Variants in AMBRA1 observed in about 807,000 individuals in gnomAD.
AMBRA1 encodes the protein autophagy and beclin 1 regulator 1.
In AMBRA1, 47 loss-of-function variants were observed where a neutral mutation model predicts 125.4. That is an observed-to-expected ratio of 0.37 (90% CI 0.30 to 0.48). AMBRA1 has a LOEUF of 0.48. Among genes scored for constraint, AMBRA1 ranks in the 20% least tolerant of loss-of-function variants. The pLI is 0.99. For missense variants in AMBRA1, 1,331 were observed against 1,693.4 expected (o/e 0.79, Z 3.76); for synonymous variants, 626 against 655.5 (o/e 0.95, Z 0.69).
At chr11:46,415,896 C>T (rs1442304904) in intron 15 of AMBRA1, among the ~76,000 whole-genome samples, 2 of 152,154 alleles carry the variant, frequency 1.3e-5, no homozygotes, top group Non-Finnish European at 2.9e-5. Context: ...AAAACAGAAG[C>T]CAAAGTCAGT....
intron 8 of AMBRA1, 30 bp downstream of exon 8, chr11:46,512,697 A>G: frequency 6.2e-7 from 1 of 1,602,948 alleles, no homozygotes. Context: ...CCCTCCCCCC[A>G]CCTAGTGCCA....
intron 11 of AMBRA1, among the ~76,000 whole-genome samples, chr11:46,445,520 T>G (rs1170822313): frequency 6.6e-6 from 1 of 152,190 alleles, no homozygotes; most frequent in Non-Finnish European, 1.5e-5. Context: ...CTCTGGGTCA[T>G]GAGGAGGGTA....
chr11:46,591,668 G>A (rs963273144), intron 1 of AMBRA1, among the ~76,000 whole-genome samples: 2 of 151,864 alleles, frequency 1.3e-5, no homozygotes, highest in African/African-American at 2.4e-5. Context: ...CAGCCTGGCC[G>A]AGATGGTAAA....
chr11:46,497,487 A>C (rs1950679272), intron 9 of AMBRA1, among the ~76,000 whole-genome samples: 1 of 152,244 alleles, frequency 6.6e-6, no homozygotes, highest in African/African-American at 2.4e-5. Flanking sequence ...AGCAGATTTC[A>C]AATTCCAAGT....
chr11:46,460,279 T>C (rs1368172783), intron 11 of AMBRA1, among the ~76,000 whole-genome samples: 2 of 152,164 alleles, frequency 1.3e-5, no homozygotes, highest in African/African-American at 2.4e-5. Flanking sequence ...TTAAAAGTTA[T>C]ATGATGATCC....
chr11:46,529,165 C>T (rs1952107706), intron 7 of AMBRA1, among the ~76,000 whole-genome samples: 1 of 152,184 alleles, frequency 6.6e-6, no homozygotes, highest in Admixed American at 6.5e-5. Flanking sequence ...GCAAAAGGTG[C>T]AGGCATTCTT....
chr11:46,519,033 T>TATTTC (rs1326339062), intron 7 of AMBRA1, among the ~76,000 whole-genome samples: 1 of 152,200 alleles, frequency 6.6e-6, no homozygotes, highest in Admixed American at 6.5e-5. Flanking sequence ...TATTTTATTT[T>TATTTC]ATTTCATTTT....
chr11:46,435,697 T>C (rs1236798223), intron 12 of AMBRA1, among the ~76,000 whole-genome samples: 1 of 152,204 alleles, frequency 6.6e-6, no homozygotes, highest in African/African-American at 2.4e-5. Context: ...TCTATGCCAA[T>C]GTCCATGACA....
chr11:46,409,255 T>C (rs184051777), intron 16 of AMBRA1, among the ~76,000 whole-genome samples: 19 of 151,922 alleles, frequency 1.3e-4, no homozygotes, highest in Admixed American at 4.6e-4. Context: ...ACCCAGGCTG[T>C]AGTGGCGCAA....
chr11:46,406,637 T>C (rs914878206), intron 17 of AMBRA1, among the ~76,000 whole-genome samples: 3 of 151,982 alleles, frequency 2.0e-5, no homozygotes, highest in Admixed American at 6.6e-5. Context: ...TCCCAGCACT[T>C]TGGGAGGCTG....
chr11:46,404,453 G>T (rs370320087), intron 17 of AMBRA1, among the ~76,000 whole-genome samples: 6 of 152,248 alleles, frequency 3.9e-5, no homozygotes, highest in Admixed American at 3.3e-4. Flanking sequence ...TCAGAGCAAG[G>T]CTCCTTGCCC....
chr11:46,479,627 G>A (rs1385276334), intron 11 of AMBRA1, among the ~76,000 whole-genome samples: 2 of 151,978 alleles, frequency 1.3e-5, no homozygotes, highest in Non-Finnish European at 2.9e-5. Context: ...AACCCAGGAG[G>A]CGGAGGTTGC....
At chr11:46,493,997 G>T (rs1248998823) in intron 10 of AMBRA1, 127 bp downstream of exon 10, 4 of 881,524 alleles carry the variant, frequency 4.5e-6, no homozygotes, top group Admixed American at 4.5e-5. Context: ...TAGACAGCAG[G>T]GCTGGGCTAT....
intron 15 of AMBRA1, among the ~76,000 whole-genome samples, chr11:46,415,369 A>C (rs566702637): frequency 2.0e-4 from 31 of 152,216 alleles, no homozygotes; most frequent in Non-Finnish European, 4.1e-4. Context: ...TTACAAAAGT[A>C]TGTGTGTGTT....
At position 46,542,013 on chromosome 11, in the gene AMBRA1, T is replaced by C; in HGVS notation, c.2004A>G (p.Gly668=). The part of the protein sequence containing the change: ...ERIYTQSSRS[G]TVSQEALHQD... ...GATGTAAGGCCTCCTGTGACACAGT[T>C]CCAGATCTGCTGGACTGGGTGTAAA... Residue 668 remains glycine (G), a synonymous_variant, in exon 7 of 18, where the codon GGA becomes GGG. Transcript: ENST00000683756. This position sits in a 1 kb window ranked among gnomAD's most constrained non-coding sequence, Gnocchi z 5.9. The C allele has an allele frequency of 6.2e-7, 1 of 1,614,086 alleles. No homozygotes were observed. Among genetic ancestry groups the C allele is most frequent in the Non-Finnish European group, 8.5e-7 (1 of 1,179,992 alleles).
At chr11:46,454,803 A>G (rs1180272569) in intron 11 of AMBRA1, among the ~76,000 whole-genome samples, 1 of 152,006 alleles carries the variant, frequency 6.6e-6, no homozygotes, top group African/African-American at 2.4e-5. Flanking sequence ...GATATTCATT[A>G]AAGACACAGC....
intron 7 of AMBRA1, among the ~76,000 whole-genome samples, chr11:46,537,688 T>C (rs929098632): frequency 6.6e-6 from 1 of 152,214 alleles, no homozygotes; most frequent in Non-Finnish European, 1.5e-5. Context: ...AGACAAACCG[T>C]GTACTGGTTA....
rs572493302 is a variant in AMBRA1, at chr11:46,469,317, T to C, written c.2521+24291A>G. 7.9e-5 allele frequency among the ~76,000 whole-genome samples: 12 copies of C among 152,304 alleles called. No individual in the cohort carries two copies. In the South Asian group the frequency reaches 2.1e-3, roughly 26 times the overall value. On this transcript the variant is annotated intron_variant, in intron 11 of 17. Coordinates refer to ENST00000683756, the MANE Select transcript of AMBRA1 (RefSeq NM_001387011.1). Reference sequence around the variant, plus strand: ...TGAAATCATTGTTTTTATAACAGAATTTTTTATTTCTCTGAATGTTTTAGA... The same window carrying C: ...TGAAATCATTGTTTTTATAACAGAACTTTTTATTTCTCTGAATGTTTTAGA...
At chr11:46,474,149 C>T (rs1949719084) in intron 11 of AMBRA1, among the ~76,000 whole-genome samples, 1 of 150,066 alleles carries the variant, frequency 6.7e-6, no homozygotes. Context: ...GTTCAGGGTG[C>T]TGCCCTGATT....
Sources: allele counts gnomAD v4.1 joint callset (sites outside exome capture counted in the v4.1 genomes callset), GRCh38; gene constraint gnomAD v4.1.1; non-coding constraint Gnocchi (gnomAD v3.1); transcripts MANE v1.5; gene names NCBI Gene and HGNC (gene_info 2026-07-23, HGNC 2026-07-21).